NAV2: variants seen among roughly 807,000 people sequenced by gnomAD.
NAV2 encodes the protein neuron navigator 2, also known as helicase, APC down-regulated 1.
A neutral mutation model predicts 223.2 loss-of-function variants in NAV2; 54 were observed. That is an observed-to-expected ratio of 0.24 (90% CI 0.19 to 0.30). NAV2 has a LOEUF of 0.30. Ranked by LOEUF, NAV2 falls within the 10% of genes least tolerant of loss-of-function variation. NAV2 has a pLI of 1.00. For missense variants in NAV2, 2,806 were observed against 3,147.5 expected (o/e 0.89, Z 2.60); for synonymous variants, 1,279 against 1,239.3 (o/e 1.03, Z -0.67).
intron 1 of NAV2, among the ~76,000 whole-genome samples, chr11:19,594,449 A>T (rs1277108398): frequency 1.3e-5 from 2 of 149,352 alleles, no homozygotes; most frequent in African/African-American, 4.9e-5. Flanking sequence ...TTTTTTAAAG[A>T]AGGGATTTCT....
At chr11:19,969,323 C>T (rs984501141) in intron 10 of NAV2, among the ~76,000 whole-genome samples, 1 of 152,152 alleles carries the variant, frequency 6.6e-6, no homozygotes, top group South Asian at 2.1e-4. Context: ...GCCATGCTGT[C>T]CCTTAAATGA....
chr11:20,096,347 G>C (rs984136967), intron 30 of NAV2, among the ~76,000 whole-genome samples: 1 of 152,180 alleles, frequency 6.6e-6, no homozygotes, highest in African/African-American at 2.4e-5. Context: ...ATGAGTACCA[G>C]GGTGAACCTT....
intron 3 of NAV2, among the ~76,000 whole-genome samples, chr11:19,843,686 C>T (rs1374569854): frequency 2.0e-5 from 3 of 151,410 alleles, no homozygotes; most frequent in Non-Finnish European, 1.5e-5. Flanking sequence ...CACTAATAAC[C>T]TATTTAAAAC....
intron 1 of NAV2, among the ~76,000 whole-genome samples, chr11:19,784,887 A>C (rs1443835903): frequency 6.6e-6 from 1 of 152,188 alleles, no homozygotes; most frequent in Non-Finnish European, 1.5e-5. Flanking sequence ...GAAATTCATC[A>C]TCATCATCAT....
chr11:19,898,104 A>C (rs2042149973), intron 6 of NAV2, among the ~76,000 whole-genome samples: 1 of 151,984 alleles, frequency 6.6e-6, no homozygotes, highest in Non-Finnish European at 1.5e-5. Context: ...GTACATTTCT[A>C]AAGTATTTGG....
chr11:19,396,747 C>A (rs894625456), intron 1 of NAV2, among the ~76,000 whole-genome samples: 4 of 152,082 alleles, frequency 2.6e-5, no homozygotes, highest in African/African-American at 9.7e-5. Flanking sequence ...GGAGTGGGAT[C>A]CAGATATTTG....
In NAV2 at chr11:19,750,562, G is replaced by A. The variant is rs557038046; in HGVS notation, c.267+36600G>A. Among the ~76,000 whole-genome samples, 273 of 152,282 alleles carry A rather than the reference G, an allele frequency of 1.8e-3. 1 individual carries two copies. Among genetic ancestry groups the A allele is most frequent in the Admixed American group, 2.9e-3 (44 of 15,302 alleles). ...CTATCCCACCTTCCTGCTGCCTTGG[G>A]AGCCCTCACCCACTCTGTTAATGCT... On this transcript the variant is annotated intron_variant, in intron 1 of 37. Transcript: ENST00000349880.
At chr11:19,398,261 G>C (rs534308489) in intron 1 of NAV2, among the ~76,000 whole-genome samples, 38 of 152,230 alleles carry the variant, frequency 2.5e-4, no homozygotes, top group African/African-American at 8.7e-4. Context: ...AGAGCAAGGT[G>C]CCACACAGTT....
intron 11 of NAV2, among the ~76,000 whole-genome samples, chr11:20,024,898 C>G (rs1333850016): frequency 1.3e-5 from 2 of 152,164 alleles, no homozygotes. Context: ...GATTTGTCCC[C>G]CATCCCCTTT....
chr11:19,984,136 A>C lies in NAV2; in HGVS notation c.2657A>C (p.Asp886Ala). Residue 886 changes from aspartate to alanine, a missense_variant, in exon 11 of 38, where the codon GAT becomes GCT. Physicochemically the swap from Asp to Ala is moderately radical, Grantham distance 126. Around this residue, in one of 4 missense-constraint regions of NAV2, gnomAD observed 1,167 missense variants for 1,180.5 expected, o/e 0.99. Transcript: ENST00000349880. ...TTCTCCTTTTAAAGATACATGACTG[A>C]TGGTGGACTTGGCCTCTATACCCGT... ...TDDITSGYMT[D>A]GGLGLYTRRL... 1 of 1,614,110 alleles carries C rather than the reference A, an allele frequency of 6.2e-7. No homozygotes were observed. Among genetic ancestry groups the C allele is most frequent in the East Asian group, 2.2e-5 (1 of 44,864 alleles).
chr11:19,823,857 G>A (rs1390969386), intron 1 of NAV2, among the ~76,000 whole-genome samples: 2 of 151,770 alleles, frequency 1.3e-5, no homozygotes, highest in Non-Finnish European at 2.9e-5. Flanking sequence ...CATGGCACAT[G>A]TATACCTATG....
At chr11:19,965,103 G>A (rs1262428770) in intron 10 of NAV2, among the ~76,000 whole-genome samples, 1 of 152,092 alleles carries the variant, frequency 6.6e-6, no homozygotes, top group Admixed American at 6.6e-5. Context: ...ACAGGTGTGA[G>A]CCACTGGACC....
chr11:20,000,563 C>T (rs527758384), intron 11 of NAV2, among the ~76,000 whole-genome samples: 1 of 152,210 alleles, frequency 6.6e-6, no homozygotes, highest in East Asian at 1.9e-4. Flanking sequence ...AAACAAAGGC[C>T]TCAAGGAAAC....
rs116598970 is a variant in NAV2 at position 19,969,222 on chromosome 11, A to G, written c.2646-14903A>G. ...ATCAAATACAATGGGAAATTTGGCCATGGAGAAATGAAACTCGCTTCAGCT... is the reference window on the plus strand; with the variant it reads ...ATCAAATACAATGGGAAATTTGGCCGTGGAGAAATGAAACTCGCTTCAGCT... On this transcript the variant is annotated intron_variant, in intron 10 of 37. Coordinates refer to ENST00000349880, the MANE Select transcript of NAV2 (RefSeq NM_145117.5). 5.9e-3 allele frequency among the ~76,000 whole-genome samples: 892 copies of G among 152,324 alleles called. 7 individuals carry two copies. Among genetic ancestry groups the G allele is most frequent in the African/African-American group, 0.02 (849 of 41,568 alleles).
chr11:19,562,902 C>G (rs181530664), intron 1 of NAV2, among the ~76,000 whole-genome samples: 3 of 152,248 alleles, frequency 2.0e-5, no homozygotes, highest in African/African-American at 7.2e-5. Flanking sequence ...TCTGTCTATC[C>G]ATCTAATCTC....
intron 1 of NAV2, among the ~76,000 whole-genome samples, chr11:19,747,857 CCTT>C (rs2053507171): frequency 6.6e-6 from 1 of 152,184 alleles, no homozygotes; most frequent in African/African-American, 2.4e-5. Context: ...GACAGTGATC[CCTT>C]CTGGAAACCA....
intron 1 of NAV2, among the ~76,000 whole-genome samples, chr11:19,468,375 G>A (rs185068117): frequency 2.6e-5 from 4 of 152,262 alleles, no homozygotes; most frequent in Admixed American, 2.0e-4. Flanking sequence ...GGAGGGCTAC[G>A]CCACCCTGAA....
intron 1 of NAV2, among the ~76,000 whole-genome samples, chr11:19,436,844 T>C (rs535676197): frequency 2.6e-5 from 4 of 152,300 alleles, no homozygotes; most frequent in East Asian, 1.9e-4. Context: ...GATGCTTTTA[T>C]AAATAGGATT....
chr11:19,848,247 C>A (rs947946889), intron 3 of NAV2, among the ~76,000 whole-genome samples: 3 of 152,172 alleles, frequency 2.0e-5, no homozygotes, highest in Non-Finnish European at 4.4e-5. Context: ...AGCAGAACCC[C>A]TCATTTTCCC....
Sources: gnomAD v4.1 joint callset for allele counts (sites outside exome capture counted in the v4.1 genomes callset) on GRCh38, gnomAD v4.1.1 for gene constraint, gnomAD v4.1.1 regional missense constraint, MANE v1.5 for transcripts, NCBI Gene and HGNC (gene_info 2026-07-23, HGNC 2026-07-21) for gene names.